Variants in TET2 observed in about 807,000 individuals in gnomAD.
TET2 encodes methylcytosine dioxygenase TET2.
A neutral mutation model predicts 142.9 loss-of-function variants in TET2; 299 were observed. The ratio of observed to expected loss-of-function variants is 2.09; its 90% confidence interval spans 1.90 to 2.30. The LOEUF is 2.30. TET2 is among the 30% of genes most tolerant of loss of function. The pLI is 0.00. For synonymous variants in TET2, 819 were observed against 849.0 expected (o/e 0.96, Z 0.61); for missense variants, 2,418 against 2,378.0 (o/e 1.02, Z -0.35).
intron 1 of TET2, among the ~76,000 whole-genome samples, chr4:105,158,033 T>A (rs1723654097): frequency 1.3e-5 from 2 of 152,206 alleles, no homozygotes; most frequent in Non-Finnish European, 2.9e-5. Flanking sequence ...TGTTAAAAAA[T>A]GTGGTTCTTA....
chr4:105,275,396 C>T lies in TET2; in HGVS notation c.4886C>T (p.Pro1629Leu). The T allele has an allele frequency of 1.3e-6, 2 of 1,551,562 alleles. No homozygotes were observed. Among genetic ancestry groups the T allele is most frequent in the Non-Finnish European group, 1.7e-6 (2 of 1,146,960 alleles). Residue 1629 changes from proline to leucine, a missense_variant, in exon 11 of 11, where the codon CCA becomes CTA. Physicochemically the swap from Pro to Leu is moderately conservative, Grantham distance 98. Coordinates refer to ENST00000380013, the MANE Select transcript of TET2 (RefSeq NM_001127208.3). Reference sequence around the variant, plus strand: ...CTTTTGAATCAGAATACCCAATATCCATCATATCAATGCAATGGAAACCTA... The same window carrying T: ...CTTTTGAATCAGAATACCCAATATCTATCATATCAATGCAATGGAAACCTA... Reference protein sequence around the residue: ...PGLLNQNTQYPSYQCNGNLSV... With the variant: ...PGLLNQNTQYLSYQCNGNLSV...
chr4:105,180,009 C>T (rs1725023126), intron 1 of TET2, among the ~76,000 whole-genome samples: 1 of 152,114 alleles, frequency 6.6e-6, no homozygotes, highest in South Asian at 2.1e-4. Context: ...TGTCTGTCTC[C>T]CTTCTTTCAC....
At chr4:105,166,179 G>A (rs1391147525) in intron 1 of TET2, among the ~76,000 whole-genome samples, 7 of 152,102 alleles carry the variant, frequency 4.6e-5, no homozygotes, top group Middle Eastern at 3.2e-3. Flanking sequence ...GGTTGAACAT[G>A]TAGAAAAGGA....
intron 8 of TET2, 37 bp downstream of exon 8, chr4:105,261,885 C>G: frequency 2.4e-6 from 3 of 1,244,380 alleles, no homozygotes; most frequent in Non-Finnish European, 3.4e-6. Context: ...ATTGTAACAA[C>G]TTACTTGTTA....
chr4:105,244,906 ATTTT>A, intron 6 of TET2, among the ~76,000 whole-genome samples: 1 of 152,088 alleles, frequency 6.6e-6, no homozygotes, highest in Non-Finnish European at 1.5e-5. Context: ...CTTACAAGTT[ATTTT>A]GCCCACGATT....
chr4:105,237,037 T>G lies in TET2; in HGVS notation c.3095T>G (p.Leu1032Arg). ...KSIIETMEQH[L>R]KQFHAKSLFD... is the part of the protein sequence containing the mutation. ...ATCATTGAGACCATGGAGCAGCATC[T>G]GAAGCAGTTTCACGCCAAGTCGTTA... Residue 1032 changes from leucine to arginine, a missense_variant, in exon 3 of 11, where the codon CTG becomes CGG. Physicochemically the swap from Leu to Arg is moderately radical, Grantham distance 102 (BLOSUM62 -2). Transcript: ENST00000380013. The G allele has an allele frequency of 6.2e-7, 1 of 1,614,182 alleles. No homozygotes were observed. Among genetic ancestry groups the G allele is most frequent in the Non-Finnish European group, 8.5e-7 (1 of 1,180,024 alleles).
chr4:105,193,692 A>G (rs1345839935), intron 2 of TET2, among the ~76,000 whole-genome samples: 1 of 152,178 alleles, frequency 6.6e-6, no homozygotes, highest in Non-Finnish European at 1.5e-5. Context: ...AAAATTTTCA[A>G]AATGATTAAT....
At chr4:105,179,321 C>T (rs993241136) in intron 1 of TET2, among the ~76,000 whole-genome samples, 1 of 152,112 alleles carries the variant, frequency 6.6e-6, no homozygotes, top group Non-Finnish European at 1.5e-5. Context: ...TTGTCTCCTC[C>T]TTAATTGACC....
At chr4:105,201,731 C>T (rs1726481101) in intron 2 of TET2, among the ~76,000 whole-genome samples, 1 of 104,698 alleles carries the variant, frequency 9.6e-6, no homozygotes, top group Non-Finnish European at 1.9e-5. Context: ...TCATCCAGGA[C>T]CTTTTTTTTT....
intron 6 of TET2, among the ~76,000 whole-genome samples, chr4:105,247,714 C>CTTTTTTTTTTTTTT (rs1206510081): frequency 1.8e-4 from 12 of 65,316 alleles, no homozygotes; most frequent in African/African-American, 4.3e-4. Flanking sequence ...TTTTTCTTTT[C>CTTTTTTTTTTTTTT]TTTTTTTTTT....
At chr4:105,148,768 A>G (rs1163046276) in intron 1 of TET2, among the ~76,000 whole-genome samples, 2 of 152,222 alleles carry the variant, frequency 1.3e-5, no homozygotes, top group African/African-American at 4.8e-5. Context: ...AGAACGGTTA[A>G]TGAAGTGTTG....
At chr4:105,163,842 A>AGT (rs1723994438) in intron 1 of TET2, among the ~76,000 whole-genome samples, 2 of 117,926 alleles carry the variant, frequency 1.7e-5, no homozygotes, top group Non-Finnish European at 3.6e-5. Context: ...AGAGAGAGAG[A>AGT]GAGAGAGAGA....
At chr4:105,167,030 T>C (rs1485430603) in intron 1 of TET2, among the ~76,000 whole-genome samples, 1 of 152,104 alleles carries the variant, frequency 6.6e-6, no homozygotes, top group East Asian at 1.9e-4. Context: ...TTCTTCCTTC[T>C]TTTTTTCACC....
rs546883739 is a variant in TET2, at chr4:105,232,305, T to C, written c.-46-1592T>C. Among the ~76,000 whole-genome samples the C allele has an allele frequency of 1.2e-4, 19 of 152,312 alleles. 1 individual carries two copies. The South Asian group carries it at 3.9e-3, about 32-fold the overall frequency. On this transcript the variant is annotated intron_variant, in intron 2 of 10. Coordinates refer to ENST00000380013, the MANE Select transcript of TET2 (RefSeq NM_001127208.3). The stretch of plus-strand genomic sequence containing the variant: ...GTTGATTCCATGTCTTCGCTATCAT[T>C]AATAGTGCTGTGATGAACATACGTG...
intron 2 of TET2, among the ~76,000 whole-genome samples, chr4:105,197,944 A>G (rs1318668145): frequency 6.6e-6 from 1 of 152,178 alleles, no homozygotes. Flanking sequence ...TAGACATTTG[A>G]AAAATTAGAA....
At chr4:105,203,821 G>A (rs931160217) in intron 2 of TET2, among the ~76,000 whole-genome samples, 22 of 152,136 alleles carry the variant, frequency 1.4e-4, no homozygotes, top group African/African-American at 5.1e-4. Context: ...TACAGCCTCT[G>A]TGAAGTCATC....
intron 6 of TET2, among the ~76,000 whole-genome samples, chr4:105,254,724 C>A (rs1458549270): frequency 6.6e-6 from 1 of 152,102 alleles, no homozygotes; most frequent in African/African-American, 2.4e-5. Flanking sequence ...GATGGCAGAA[C>A]TTTTTAGGAA....
intron 1 of TET2, among the ~76,000 whole-genome samples, chr4:105,183,578 G>T (rs996694808): frequency 6.6e-6 from 1 of 151,894 alleles, no homozygotes; most frequent in Non-Finnish European, 1.5e-5. Context: ...CTAAGTGATC[G>T]GCTCAAGATC....
intron 2 of TET2, among the ~76,000 whole-genome samples, chr4:105,199,024 A>G (rs527272382): frequency 3.9e-5 from 6 of 152,282 alleles, no homozygotes; most frequent in Admixed American, 3.9e-4. Context: ...TGGAAACTTT[A>G]GGGATATGTT....
Sources: allele counts gnomAD v4.1 joint callset (sites outside exome capture counted in the v4.1 genomes callset), GRCh38; gene constraint gnomAD v4.1.1; transcripts MANE v1.5; gene names NCBI Gene and HGNC (gene_info 2026-07-23, HGNC 2026-07-21).